Variants in ZNF804B observed in about 807,000 individuals in gnomAD.
The protein encoded by ZNF804B is zinc finger 804B.
In ZNF804B, 80 loss-of-function variants were observed where a neutral mutation model predicts 101.4. The ratio of observed to expected loss-of-function variants is 0.79; its 90% CI spans 0.66 to 0.95. The LOEUF is 0.95. Ranked by LOEUF, ZNF804B falls within the 40% of genes least tolerant of loss-of-function variation. The pLI is 0.00. For missense variants in ZNF804B, 1,673 were observed against 1,561.9 expected (o/e 1.07, Z -1.20); for synonymous variants, 622 against 558.8 (o/e 1.11, Z -1.59).
intron 1 of ZNF804B, among the ~76,000 whole-genome samples, chr7:89,177,377 G>A (rs1791337495): frequency 6.6e-6 from 1 of 151,996 alleles, no homozygotes; most frequent in Non-Finnish European, 1.5e-5. Flanking sequence ...TTGGCTCACT[G>A]GTCTTTTAGA....
At chr7:88,760,883 TTA>T (rs199946807) in intron 1 of ZNF804B, among the ~76,000 whole-genome samples, 31 of 127,798 alleles carry the variant, frequency 2.4e-4, no homozygotes, top group South Asian at 4.8e-4. Context: ...TGTGTGTAAT[TTA>T]TATATATATA....
At chr7:88,804,119 T>C (rs554099182) in intron 1 of ZNF804B, among the ~76,000 whole-genome samples, 44 of 152,038 alleles carry the variant, frequency 2.9e-4, no homozygotes, top group Admixed American at 6.6e-4. Context: ...TAAAGAAAAA[T>C]AGATCTGGTA....
intron 2 of ZNF804B, among the ~76,000 whole-genome samples, chr7:89,256,884 C>T (rs975764746): frequency 6.6e-6 from 1 of 152,160 alleles, no homozygotes; most frequent in Non-Finnish European, 1.5e-5. Flanking sequence ...ACTTTCATAA[C>T]ATCTGGTGGC....
intron 1 of ZNF804B, among the ~76,000 whole-genome samples, chr7:88,791,251 G>C (rs1279390534): frequency 6.6e-6 from 1 of 152,000 alleles, no homozygotes; most frequent in Non-Finnish European, 1.5e-5. Context: ...TTCAGCAATG[G>C]TGTTGCTACC....
At chr7:89,212,625 T>A (rs555451477) in intron 1 of ZNF804B, among the ~76,000 whole-genome samples, 1 of 152,196 alleles carries the variant, frequency 6.6e-6, no homozygotes, top group African/African-American at 2.4e-5. Flanking sequence ...AACAGGAAAG[T>A]GTTTGTTATG....
intron 1 of ZNF804B, among the ~76,000 whole-genome samples, chr7:88,984,267 A>C (rs532198367): frequency 7.9e-5 from 12 of 152,244 alleles, no homozygotes; most frequent in African/African-American, 2.4e-4. Context: ...TATATCTAGC[A>C]GCAGCTTAGT....
chr7:88,978,341 G>A (rs1440741949), intron 1 of ZNF804B, among the ~76,000 whole-genome samples: 1 of 151,716 alleles, frequency 6.6e-6, no homozygotes, highest in Admixed American at 6.6e-5. Context: ...GTCTATTATT[G>A]TACTGGGGTT....
Position 88,793,691 on chromosome 7 carries a change from T to C in ZNF804B, c.108+33607T>C, listed in dbSNP as rs1428782289. On this transcript the variant is annotated intron_variant, in intron 1 of 3. Coordinates refer to ENST00000333190, the MANE Select transcript of ZNF804B (RefSeq NM_181646.5). ...ATACTGCTACTATAATGATATATTA[T>C]ATTACATTATATGTCATATCGTAAC... Among the ~76,000 whole-genome samples the C allele has an allele frequency of 3.9e-5, 6 of 152,184 alleles. No homozygotes were observed. In the East Asian group the frequency reaches 1.2e-3, roughly 29 times the overall value.
chr7:89,107,085 A>T (rs1462765779), intron 1 of ZNF804B, among the ~76,000 whole-genome samples: 1 of 152,156 alleles, frequency 6.6e-6, no homozygotes, highest in Non-Finnish European at 1.5e-5. Context: ...AAATGAATGA[A>T]TTCTTCAAGA....
chr7:88,870,241 C>T (rs968845833), intron 1 of ZNF804B, among the ~76,000 whole-genome samples: 7 of 150,638 alleles, frequency 4.6e-5, no homozygotes, highest in African/African-American at 9.8e-5. Context: ...AAAAATTAGC[C>T]GGGCATGGTG....
intron 1 of ZNF804B, among the ~76,000 whole-genome samples, chr7:89,200,143 T>G (rs549495724): frequency 6.6e-6 from 1 of 151,878 alleles, no homozygotes; most frequent in Admixed American, 6.6e-5. Context: ...CTGAAGATCA[T>G]TGAGTTTGCA....
intron 1 of ZNF804B, among the ~76,000 whole-genome samples, chr7:88,870,779 G>A (rs1053597728): frequency 4.6e-5 from 7 of 151,864 alleles, no homozygotes; most frequent in African/African-American, 1.7e-4. Flanking sequence ...GTTACACATT[G>A]CAAAAAAAGG....
chr7:89,201,937 T>G (rs184317148), intron 1 of ZNF804B, among the ~76,000 whole-genome samples: 2 of 152,222 alleles, frequency 1.3e-5, no homozygotes, highest in East Asian at 3.9e-4. Flanking sequence ...CAGAGCAGCA[T>G]GACTATTTCC....
At chr7:89,150,614 G>A (rs1473834980) in intron 1 of ZNF804B, among the ~76,000 whole-genome samples, 1 of 151,970 alleles carries the variant, frequency 6.6e-6, no homozygotes, top group African/African-American at 2.4e-5. Context: ...TTTATAGAGA[G>A]GATATATGTC....
At chr7:88,913,763 G>T (rs960183746) in intron 1 of ZNF804B, among the ~76,000 whole-genome samples, 1 of 152,192 alleles carries the variant, frequency 6.6e-6, no homozygotes, top group Non-Finnish European at 1.5e-5. Flanking sequence ...CATGACACAA[G>T]TGTATATGCG....
intron 1 of ZNF804B, among the ~76,000 whole-genome samples, chr7:88,957,625 T>G (rs1003429840): frequency 6.6e-6 from 1 of 151,334 alleles, no homozygotes; most frequent in Admixed American, 6.6e-5. Context: ...TTTGAAAAAT[T>G]TTATATTATT....
At chr7:89,003,058 A>G (rs1269450653) in intron 1 of ZNF804B, among the ~76,000 whole-genome samples, 1 of 150,744 alleles carries the variant, frequency 6.6e-6, no homozygotes, top group Non-Finnish European at 1.5e-5. Flanking sequence ...ATCCTTACCA[A>G]TTTTCAGAGG....
chr7:88,993,766 T>G (rs1245116066), intron 1 of ZNF804B, among the ~76,000 whole-genome samples: 1 of 152,046 alleles, frequency 6.6e-6, no homozygotes, highest in African/African-American at 2.4e-5. Context: ...ATGATATTAT[T>G]GGATTAAGGC....
intron 1 of ZNF804B, chr7:88,795,048 T>C: frequency 1.1e-6 from 1 of 943,434 alleles, no homozygotes; most frequent in Non-Finnish European, 1.5e-6. Flanking sequence ...TTATTTCTTC[T>C]GACAAAAAAA....
Sources: allele counts gnomAD v4.1 joint callset (sites outside exome capture counted in the v4.1 genomes callset), GRCh38; gene constraint gnomAD v4.1.1; transcripts MANE v1.5; gene names NCBI Gene and HGNC (gene_info 2026-07-23, HGNC 2026-07-21).